Variants in LRP1B observed in about 807,000 individuals in gnomAD.
The protein encoded by LRP1B is LDL receptor related protein 1B, also known as low-density lipoprotein receptor-related protein 1B.
In LRP1B, 217 loss-of-function variants were observed where a neutral mutation model predicts 556.6. That is an observed-to-expected ratio of 0.39 (90% CI 0.35 to 0.44). The LOEUF is 0.44. Among genes scored for constraint, LRP1B ranks in the 20% least tolerant of loss-of-function variants. The probability of loss-of-function intolerance (pLI) is 1.00; values close to 1 mark genes in which losing one functional copy is unlikely to be tolerated. For synonymous variants in LRP1B, 2,047 were observed against 1,865.8 expected (o/e 1.10, Z -2.50); for missense variants, 5,053 against 5,620.8 (o/e 0.90, Z 3.23).
chr2:141,167,423 T>C (rs1680318941), intron 7 of LRP1B: 1 of 151,866 alleles, frequency 6.6e-6, no homozygotes, highest in Non-Finnish European at 1.5e-5. Flanking sequence ...TCTATATAGA[T>C]TAACCCAAAG....
intron 7 of LRP1B, among the ~76,000 whole-genome samples, chr2:141,165,088 A>G (rs1357075856): frequency 1.3e-5 from 2 of 152,054 alleles, no homozygotes; most frequent in Non-Finnish European, 2.9e-5. Flanking sequence ...CTCTCGTTTA[A>G]AACAAATGTC....
intron 7 of LRP1B, among the ~76,000 whole-genome samples, chr2:141,076,367 T>TCTG (rs1699787665): frequency 6.6e-6 from 1 of 152,278 alleles, no homozygotes; most frequent in East Asian, 1.9e-4. Context: ...AATTATATAT[T>TCTG]CCTACACGGG....
rs140124934 is a variant in LRP1B, at chr2:140,534,095, C to A, written c.7688G>T (p.Arg2563Leu). Residue 2563 changes from arginine (R) to leucine (L), a missense_variant, in exon 47 of 91, where the codon CGC becomes CTC. This residue lies in a region of LRP1B where 3,619 missense variants were observed against 3,931.9 expected (regional missense o/e 0.92). Transcript: ENST00000389484. Reference sequence around the variant, plus strand: ...ACATAACTTGCCATGAGGAATGCAGCGGCGATTATAGCATGGCTTGAAGCC... The same window carrying A: ...ACATAACTTGCCATGAGGAATGCAGAGGCGATTATAGCATGGCTTGAAGCC... ...RRGFKPCYNR[R>L]CIPHGKLCDG... 2.7e-5 allele frequency: 44 copies of A among 1,613,126 alleles called. No individual in the cohort carries two copies. The Admixed American group carries it at 5.3e-4, about 20-fold the overall frequency.
intron 2 of LRP1B, among the ~76,000 whole-genome samples, chr2:141,565,438 G>T (rs1686298520): frequency 6.6e-6 from 1 of 152,108 alleles, no homozygotes; most frequent in Non-Finnish European, 1.5e-5. Context: ...ATCAATCAAG[G>T]CTTTTAAGAG....
At chr2:140,833,028 AAAG>A (rs1691770491) in intron 31 of LRP1B, among the ~76,000 whole-genome samples, 1 of 152,172 alleles carries the variant, frequency 6.6e-6, no homozygotes, top group Non-Finnish European at 1.5e-5. Context: ...TCAGTTAGAA[AAAG>A]ATTGTCCCAA....
chr2:141,875,852 T>C (rs1698741022), intron 1 of LRP1B, among the ~76,000 whole-genome samples: 1 of 151,976 alleles, frequency 6.6e-6, no homozygotes, highest in South Asian at 2.1e-4. Flanking sequence ...GAGGGTAATA[T>C]ATGTATACTT....
intron 7 of LRP1B, among the ~76,000 whole-genome samples, chr2:141,099,619 A>G (rs912211002): frequency 2.6e-5 from 4 of 152,244 alleles, no homozygotes; most frequent in Non-Finnish European, 5.9e-5. Context: ...ATCTACATGC[A>G]CATATACACA....
chr2:141,535,697 C>T (rs1293963743), intron 2 of LRP1B, among the ~76,000 whole-genome samples: 2 of 152,016 alleles, frequency 1.3e-5, no homozygotes, highest in Non-Finnish European at 2.9e-5. Context: ...TACTTTTATA[C>T]AAGAAAGCAA....
intron 65 of LRP1B, 28 bp downstream of exon 65, chr2:140,444,297 TAAGAC>T (rs777227245): frequency 2.5e-6 from 4 of 1,611,916 alleles, no homozygotes; most frequent in Non-Finnish European, 2.5e-6. Context: ...GAGTCAAAGT[TAAGAC>T]AAGACAGAGT....
At chr2:140,604,944 T>G (rs1411281961) in intron 41 of LRP1B, among the ~76,000 whole-genome samples, 7 of 152,252 alleles carry the variant, frequency 4.6e-5, no homozygotes, top group East Asian at 3.9e-4. Context: ...CTCTCCACCA[T>G]GATCGTGAGG....
At chr2:140,455,295 G>A (rs13007837) in intron 62 of LRP1B, among the ~76,000 whole-genome samples, 3 of 151,846 alleles carry the variant, frequency 2.0e-5, no homozygotes, top group South Asian at 2.1e-4. Context: ...TTCAAAGAGC[G>A]GTCAGAACCT....
At chr2:141,801,318 T>A (rs964644460) in intron 2 of LRP1B, among the ~76,000 whole-genome samples, 1 of 152,148 alleles carries the variant, frequency 6.6e-6, no homozygotes, top group African/African-American at 2.4e-5. Flanking sequence ...AGACAAGATC[T>A]TGCTCTATCA....
At chr2:141,035,747 TG>T (rs1306426832) in intron 11 of LRP1B, among the ~76,000 whole-genome samples, 7 of 152,134 alleles carry the variant, frequency 4.6e-5, no homozygotes, top group Non-Finnish European at 8.8e-5. Context: ...TTTATTTTTT[TG>T]TTAAAAAAAT....
intron 1 of LRP1B, among the ~76,000 whole-genome samples, chr2:141,882,713 T>C (rs1405434352): frequency 1.3e-5 from 2 of 152,244 alleles, no homozygotes; most frequent in East Asian, 3.9e-4. Context: ...AAAAACAGAA[T>C]ATCAAGAACA....
intron 3 of LRP1B, among the ~76,000 whole-genome samples, chr2:141,433,363 T>G (rs1680639839): frequency 6.6e-6 from 1 of 152,106 alleles, no homozygotes; most frequent in Admixed American, 6.6e-5. Context: ...AGAGCGTGTA[T>G]TCTGCTACTG....
chr2:141,916,121 C>T (rs1402020556), intron 1 of LRP1B, among the ~76,000 whole-genome samples: 2 of 152,234 alleles, frequency 1.3e-5, no homozygotes, highest in African/African-American at 2.4e-5. Context: ...AACACAAGCA[C>T]TCATATGTTC....
chr2:140,586,019 TA>T (rs1054843101), intron 43 of LRP1B, among the ~76,000 whole-genome samples: 3 of 152,236 alleles, frequency 2.0e-5, no homozygotes, highest in Non-Finnish European at 2.9e-5. Flanking sequence ...AAAGTGTCTT[TA>T]AAAAAACTCA....
intron 35 of LRP1B, among the ~76,000 whole-genome samples, chr2:140,717,140 C>T (rs1485597964): frequency 6.6e-6 from 1 of 151,974 alleles, no homozygotes; most frequent in Non-Finnish European, 1.5e-5. Context: ...GAATTTGCAG[C>T]TTTGATTCCA....
At position 141,040,862 on chromosome 2, in the gene LRP1B, T is replaced by C. The variant is rs79599068; in HGVS notation, c.1789+8124A>G. Among the ~76,000 whole-genome samples the C allele has an allele frequency of 6.1e-3, 929 of 152,178 alleles. 11 individuals carry two copies. Among genetic ancestry groups the C allele is most frequent in the African/African-American group, 0.02 (826 of 41,554 alleles). On this transcript the variant is annotated intron_variant, in intron 11 of 90. Coordinates refer to ENST00000389484, the MANE Select transcript of LRP1B (RefSeq NM_018557.3). Reference sequence around the variant, plus strand: ...ACATGAATATAGCACTGTCCTTTCATAGTATGTGAACAGATTAAACACATC... The same window carrying C: ...ACATGAATATAGCACTGTCCTTTCACAGTATGTGAACAGATTAAACACATC...
Sources: gnomAD v4.1 joint callset for allele counts (sites outside exome capture counted in the v4.1 genomes callset) on GRCh38, gnomAD v4.1.1 for gene constraint, gnomAD v4.1.1 regional missense constraint, MANE v1.5 for transcripts, NCBI Gene and HGNC (gene_info 2026-07-23, HGNC 2026-07-21) for gene names.